MAST4: variants seen among roughly 807,000 people sequenced by gnomAD.
MAST4 encodes microtubule-associated serine/threonine-protein kinase 4.
In MAST4, 89 loss-of-function variants were observed where a neutral mutation model predicts 162.7. The ratio of observed to expected loss-of-function variants is 0.55; its 90% CI spans 0.46 to 0.65. The LOEUF is 0.65. Among genes scored for constraint, MAST4 ranks in the 30% least tolerant of loss-of-function variants. MAST4 has a pLI of 0.00. For missense variants in MAST4, 3,153 were observed against 3,374.0 expected, an observed-to-expected ratio of 0.93 and a Z score of 1.62; for synonymous variants, 1,479 against 1,361.1, an observed-to-expected ratio of 1.09 and a Z score of -1.91.
At chr5:66,928,130 G>A (rs888001981) in intron 4 of MAST4, among the ~76,000 whole-genome samples, 2 of 152,192 alleles carry the variant, frequency 1.3e-5, no homozygotes, top group African/African-American at 4.8e-5. Context: ...AAATTCAAAG[G>A]TACCAGGTGT....
chr5:66,922,777 A>T (rs1764626665), intron 4 of MAST4, among the ~76,000 whole-genome samples: 1 of 152,194 alleles, frequency 6.6e-6, no homozygotes, highest in Non-Finnish European at 1.5e-5. Flanking sequence ...GTGAAAAAAA[A>T]GTCAAAGGAT....
Position 66,865,723 on chromosome 5 carries a change from T to C in MAST4, c.643-34228T>C, listed in dbSNP as rs535434198. 1.2e-4 allele frequency among the ~76,000 whole-genome samples: 18 copies of C among 152,302 alleles called. No individual in the cohort carries two copies. In the South Asian group the frequency reaches 3.7e-3, roughly 32 times the overall value. ...TCTAAAAACCACTTTCTTAGGGCTG[T>C]TTTTAATTACAAGTCACATCATCAA... On this transcript the variant is annotated intron_variant, in intron 3 of 28. Transcript: ENST00000403625.
At chr5:66,727,695 A>G (rs1357405604) in intron 1 of MAST4, among the ~76,000 whole-genome samples, 1 of 152,020 alleles carries the variant, frequency 6.6e-6, no homozygotes, top group East Asian at 1.9e-4. Flanking sequence ...TTTTGGAGGG[A>G]GGGGAGAGGG....
At chr5:66,902,614 T>C (rs1478428529) in intron 4 of MAST4, 1 of 432,616 alleles carries the variant, frequency 2.3e-6, no homozygotes, top group African/African-American at 2.1e-5. Flanking sequence ...AGAACTAACT[T>C]GAAGACTCTC....
intron 24 of MAST4, among the ~76,000 whole-genome samples, chr5:67,152,006 G>A (rs780578462): frequency 3.9e-5 from 6 of 152,052 alleles, no homozygotes; most frequent in South Asian, 2.1e-4. Context: ...GGGCTCAAGC[G>A]ACCAGCCTAC....
At chr5:66,952,532 G>A (rs934104508) in intron 4 of MAST4, among the ~76,000 whole-genome samples, 5 of 151,614 alleles carry the variant, frequency 3.3e-5, no homozygotes, top group Admixed American at 1.3e-4. Flanking sequence ...CCCCTCCCCC[G>A]CCATTAACTT....
In MAST4 at chr5:67,069,287, G is replaced by GATATATATATATATATAT. The variant is rs6149054; in HGVS notation, c.763+14803_763+14820dup. ...CCTTTTCTGTTAAAGGAGGAGATTGGATATATATATATATATATATATATA... is the reference window on the plus strand; with the variant it reads ...CCTTTTCTGTTAAAGGAGGAGATTGGATATATATATATATATATATATATATATATATATATATATATA... On this transcript the variant is annotated intron_variant, in intron 5 of 28. Transcript: ENST00000403625. Among the ~76,000 whole-genome samples the GATATATATATATATATAT allele has an allele frequency of 9.8e-3, 1,058 of 107,464 alleles. 43 individuals are homozygous for GATATATATATATATATAT. The highest frequency in any genetic ancestry group is 0.029 in the African/African-American group (698 of 24,356). The allele number at this position is 107,464 out of a possible 152,430, so 70.5% of individuals were successfully genotyped here. A position where few individuals can be genotyped will look rare whatever the true frequency, so the allele number is the denominator to read the frequency against.
chr5:66,935,981 C>A (rs2150087097), intron 4 of MAST4, among the ~76,000 whole-genome samples: 1 of 152,198 alleles, frequency 6.6e-6, no homozygotes, highest in Admixed American at 6.5e-5. Flanking sequence ...AGTCTTTAAT[C>A]CTAAGGTCAG....
At chr5:66,872,225 A>C (rs758026108) in intron 3 of MAST4, among the ~76,000 whole-genome samples, 1 of 152,168 alleles carries the variant, frequency 6.6e-6, no homozygotes, top group African/African-American at 2.4e-5. Context: ...GCTGGAGTGC[A>C]GTGGCGTGAT....
At chr5:66,717,078 C>G (rs565951313) in intron 1 of MAST4, among the ~76,000 whole-genome samples, 1 of 152,168 alleles carries the variant, frequency 6.6e-6, no homozygotes, top group Non-Finnish European at 1.5e-5. Flanking sequence ...CCATGGCACA[C>G]TGGACCCTGA....
intron 19 of MAST4, among the ~76,000 whole-genome samples, chr5:67,138,353 T>A (rs1487674689): frequency 3.3e-5 from 5 of 152,238 alleles, no homozygotes; most frequent in Non-Finnish European, 5.9e-5. Context: ...TATTCTGTTA[T>A]GAATGCGTAC....
intron 4 of MAST4, among the ~76,000 whole-genome samples, chr5:66,956,677 G>A (rs913826748): frequency 6.6e-6 from 1 of 152,180 alleles, no homozygotes; most frequent in African/African-American, 2.4e-5. Flanking sequence ...CATTTGATGT[G>A]TTGTAATACA....
At chr5:67,028,624 A>G (rs1271572841) in intron 4 of MAST4, among the ~76,000 whole-genome samples, 1 of 152,164 alleles carries the variant, frequency 6.6e-6, no homozygotes, top group Non-Finnish European at 1.5e-5. Context: ...AAGAAGAACT[A>G]AAGTGGAGGT....
chr5:67,150,986 A>G (rs1052336195), intron 24 of MAST4, among the ~76,000 whole-genome samples: 7 of 152,146 alleles, frequency 4.6e-5, no homozygotes, highest in African/African-American at 1.7e-4. Flanking sequence ...AATGGAACTC[A>G]CCACACCCTG....
At chr5:66,789,951 C>G (rs866300439) in intron 3 of MAST4, among the ~76,000 whole-genome samples, 21 of 147,864 alleles carry the variant, frequency 1.4e-4, no homozygotes, top group African/African-American at 4.6e-4. Context: ...CTATTTTTAC[C>G]CCGGTGTAGA....
chr5:66,778,413 G>A (rs184117888), intron 2 of MAST4, among the ~76,000 whole-genome samples: 6 of 152,256 alleles, frequency 3.9e-5, no homozygotes, highest in Non-Finnish European at 7.4e-5. Context: ...AAACCCAAAG[G>A]TAGTGATGTG....
chr5:66,846,117 A>G (rs1270029252), intron 3 of MAST4, among the ~76,000 whole-genome samples: 2 of 152,178 alleles, frequency 1.3e-5, no homozygotes, highest in Non-Finnish European at 2.9e-5. Flanking sequence ...TAAGTGACAG[A>G]GTCTAGCTTC....
Position 66,596,853 on chromosome 5 carries a change from G to T in MAST4, c.198G>T (p.Pro66=). The T allele has an allele frequency of 7.7e-7, 1 of 1,295,078 alleles. No individual in the cohort carries two copies. The allele number at this position is 1,295,078 out of a possible 1,614,324, so 80.2% of individuals were successfully genotyped here. The part of the protein sequence containing the change: ...GFSREHQPPP[P]PPLGGTLGAR... ...CCAGAGAGCATCAGCCGCCGCCGCC[G>T]CCGCCGTTGGGAGGCACCCTGGGCG... The change falls in exon 1 of 29, where the codon CCG becomes CCT. Residue 66 remains proline (P), a synonymous_variant. Coordinates refer to ENST00000403625, the MANE Select transcript of MAST4 (RefSeq NM_001164664.2).
chr5:66,868,226 G>A (rs956676529), intron 3 of MAST4, among the ~76,000 whole-genome samples: 1 of 152,074 alleles, frequency 6.6e-6, no homozygotes, highest in Non-Finnish European at 1.5e-5. Context: ...ATAGGATCTG[G>A]TAGGTAGCAA....
Sources: gnomAD v4.1 joint callset for allele counts (sites outside exome capture counted in the v4.1 genomes callset) on GRCh38, gnomAD v4.1.1 for gene constraint, MANE v1.5 for transcripts, NCBI Gene and HGNC (gene_info 2026-07-23, HGNC 2026-07-21) for gene names.